Variants in FER observed in about 807,000 individuals in gnomAD.
FER encodes tyrosine-protein kinase Fer.
In FER, 63 loss-of-function variants were observed where a neutral mutation model predicts 111.0. The ratio of observed to expected loss-of-function variants is 0.57; its 90% confidence interval spans 0.46 to 0.70. The LOEUF (loss-of-function observed/expected upper bound fraction) is 0.70, where lower values mean the gene tolerates loss of function less well. FER is among the 30% of genes least tolerant of loss of function. The pLI, the probability that FER is intolerant of heterozygous loss-of-function variation, is 0.00. For synonymous variants in FER, 327 were observed against 313.9 expected (o/e 1.04, Z -0.44); for missense variants, 914 against 954.0 (o/e 0.96, Z 0.55).
intron 17 of FER, among the ~76,000 whole-genome samples, chr5:109,169,371 A>T (rs924423468): frequency 6.6e-6 from 1 of 152,156 alleles, no homozygotes; most frequent in African/African-American, 2.4e-5. Flanking sequence ...ATAAAAATGA[A>T]TTATTATAAA....
At chr5:109,098,195 T>A (rs1440340088) in intron 16 of FER, among the ~76,000 whole-genome samples, 2 of 151,820 alleles carry the variant, frequency 1.3e-5, no homozygotes, top group Non-Finnish European at 2.9e-5. Context: ...TTAATGCTAT[T>A]TAAGTGTAGT....
intron 8 of FER, among the ~76,000 whole-genome samples, chr5:108,878,517 G>C (rs1400833373): frequency 6.6e-6 from 1 of 151,846 alleles, no homozygotes; most frequent in Non-Finnish European, 1.5e-5. Flanking sequence ...TTCTTAATGT[G>C]TACAGTGTTT....
chr5:109,024,123 C>T (rs570072825), intron 13 of FER, among the ~76,000 whole-genome samples: 1 of 152,314 alleles, frequency 6.6e-6, no homozygotes, highest in South Asian at 2.1e-4. Context: ...ATTTCAAGCT[C>T]AAGCAGTTTC....
chr5:109,085,242 T>G (rs1777432398), intron 16 of FER, among the ~76,000 whole-genome samples: 1 of 151,838 alleles, frequency 6.6e-6, no homozygotes, highest in South Asian at 2.1e-4. Context: ...TTCACTTCTC[T>G]TAGAGATATT....
At chr5:108,966,198 A>T (rs1274399614) in intron 13 of FER, among the ~76,000 whole-genome samples, 2 of 151,594 alleles carry the variant, frequency 1.3e-5, no homozygotes, top group Non-Finnish European at 2.9e-5. Flanking sequence ...ACTTCTATAC[A>T]TTTTTTTTGC....
intron 5 of FER, among the ~76,000 whole-genome samples, chr5:108,841,232 G>A (rs532921359): frequency 2.0e-5 from 3 of 152,052 alleles, no homozygotes; most frequent in Non-Finnish European, 4.4e-5. Context: ...GGTAGTGAAC[G>A]CATTTCAGTT....
chr5:109,149,977 C>T (rs921563914), intron 17 of FER, among the ~76,000 whole-genome samples: 6 of 152,018 alleles, frequency 3.9e-5, no homozygotes, highest in Admixed American at 2.0e-4. Flanking sequence ...GAGTGTGAAC[C>T]CTATTGTGAA....
intron 10 of FER, chr5:108,924,747 G>C: frequency 2.4e-6 from 3 of 1,232,074 alleles, no homozygotes; most frequent in Middle Eastern, 3.1e-4. Context: ...GTGCTTTAAT[G>C]TTCAGCTCTG....
At chr5:108,944,567 T>C (rs1055618909) in intron 10 of FER, among the ~76,000 whole-genome samples, 3 of 152,138 alleles carry the variant, frequency 2.0e-5, no homozygotes, top group Non-Finnish European at 4.4e-5. Context: ...TTTGATTGTT[T>C]GATGTAAAAA....
intron 11 of FER, among the ~76,000 whole-genome samples, chr5:108,950,445 A>G (rs1232690844): frequency 6.6e-6 from 1 of 152,020 alleles, no homozygotes; most frequent in Non-Finnish European, 1.5e-5. Context: ...TTTTTGGTTA[A>G]TGATACCAGT....
At chr5:108,778,798 G>A (rs1753754494) in intron 2 of FER, among the ~76,000 whole-genome samples, 1 of 152,078 alleles carries the variant, frequency 6.6e-6, no homozygotes. Context: ...GTTTCAAAGA[G>A]CAGAAAATAT....
chr5:109,075,568 T>A (rs983006402), intron 16 of FER, among the ~76,000 whole-genome samples: 18 of 151,794 alleles, frequency 1.2e-4, no homozygotes, highest in African/African-American at 2.7e-4. Context: ...GGACTACAGG[T>A]GCCTGCCACC....
intron 10 of FER, among the ~76,000 whole-genome samples, chr5:108,900,134 A>G (rs1352455489): frequency 6.6e-6 from 1 of 152,166 alleles, no homozygotes; most frequent in Non-Finnish European, 1.5e-5. Flanking sequence ...AAAGAATACT[A>G]TAATATATGT....
At chr5:109,147,919 C>G (rs995323346) in intron 17 of FER, among the ~76,000 whole-genome samples, 7 of 151,570 alleles carry the variant, frequency 4.6e-5, no homozygotes, top group Non-Finnish European at 1.0e-4. Flanking sequence ...TTTCCATTGA[C>G]CAATCACTTT....
At position 109,196,576 on chromosome 5, in the gene FER, A is replaced by C. The variant is rs1457738331; in HGVS notation, c.*9001A>C. 6.6e-6 allele frequency: 1 copy of C among 152,186 alleles called. No individual in the cohort carries two copies. Among genetic ancestry groups the C allele is most frequent in the Non-Finnish European group, 1.5e-5 (1 of 68,026 alleles). 9.4% of individuals were successfully genotyped at this position (152,186 alleles called of 1,614,324 possible). On this transcript the variant is annotated 3_prime_UTR_variant, in exon 20 of 20. Transcript: ENST00000281092. ...AAATATATAAAGCAGTTGGTTGTCT[A>C]TCTTTTATCATTTTTACTCAGATCT...
intron 17 of FER, among the ~76,000 whole-genome samples, chr5:109,163,869 G>A (rs1462867581): frequency 1.3e-5 from 2 of 152,148 alleles, no homozygotes; most frequent in African/African-American, 4.8e-5. Flanking sequence ...TATTCTGGAT[G>A]TCTGATAGGG....
At chr5:109,006,037 T>C (rs1581616054) in intron 13 of FER, among the ~76,000 whole-genome samples, 2 of 152,218 alleles carry the variant, frequency 1.3e-5, no homozygotes, top group South Asian at 2.1e-4. Flanking sequence ...TAGGAACATA[T>C]CATGATTTTG....
intron 17 of FER, among the ~76,000 whole-genome samples, chr5:109,128,570 A>G (rs1179289569): frequency 6.6e-6 from 1 of 152,140 alleles, no homozygotes; most frequent in Non-Finnish European, 1.5e-5. Context: ...CTCTTGTAGC[A>G]TGCACTTCTC....
chr5:109,137,195 A>G (rs1247087430), intron 17 of FER, among the ~76,000 whole-genome samples: 1 of 152,164 alleles, frequency 6.6e-6, no homozygotes, highest in African/African-American at 2.4e-5. Context: ...GTAAGTCATG[A>G]AAGGATTTTT....
Sources: gnomAD v4.1 joint callset for allele counts (sites outside exome capture counted in the v4.1 genomes callset) on GRCh38, gnomAD v4.1.1 for gene constraint, MANE v1.5 for transcripts, NCBI Gene and HGNC (gene_info 2026-07-23, HGNC 2026-07-21) for gene names.